Variants in SLC24A3 observed in about 807,000 individuals in gnomAD.
The protein encoded by SLC24A3 is solute carrier family 24 member 3, also known as sodium/potassium/calcium exchanger 3.
SLC24A3 carries 28 observed loss-of-function variants against 75.8 expected under a neutral mutation model. That is an observed-to-expected ratio of 0.37 (90% CI 0.27 to 0.51). The LOEUF (loss-of-function observed/expected upper bound fraction) is 0.51. Among genes scored for constraint, SLC24A3 ranks in the 20% least tolerant of loss-of-function variants. The pLI, the probability that SLC24A3 is intolerant of heterozygous loss-of-function variation, is 0.94. For missense variants in SLC24A3, 663 were observed against 847.8 expected (o/e 0.78, Z 2.71); for synonymous variants, 372 against 334.1 (o/e 1.11, Z -1.24).
intron 3 of SLC24A3, among the ~76,000 whole-genome samples, chr20:19,517,856 G>T (rs1241928485): frequency 6.6e-6 from 1 of 152,232 alleles, no homozygotes; most frequent in Non-Finnish European, 1.5e-5. Flanking sequence ...CGTGAGGCCA[G>T]GTGGGCAGAG....
intron 2 of SLC24A3, among the ~76,000 whole-genome samples, chr20:19,320,634 G>A (rs986286860): frequency 1.3e-5 from 2 of 151,872 alleles, no homozygotes. Flanking sequence ...GTTGTCGCTC[G>A]GTATCTTCAG....
intron 3 of SLC24A3, among the ~76,000 whole-genome samples, chr20:19,565,256 T>G (rs2030936528): frequency 6.6e-6 from 1 of 152,242 alleles, no homozygotes; most frequent in African/African-American, 2.4e-5. Context: ...ATGAATTCTC[T>G]TTCCTTGTTT....
intron 2 of SLC24A3, among the ~76,000 whole-genome samples, chr20:19,397,933 G>A (rs1986485786): frequency 1.3e-5 from 2 of 152,020 alleles, no homozygotes; most frequent in South Asian, 4.1e-4. Context: ...ACTTGAGCAA[G>A]GAAGAGGCCC....
At chr20:19,429,213 C>G (rs1206089184) in intron 2 of SLC24A3, among the ~76,000 whole-genome samples, 1 of 152,248 alleles carries the variant, frequency 6.6e-6, no homozygotes, top group Admixed American at 6.5e-5. Flanking sequence ...CCATCCTCCA[C>G]TATTCTCACC....
chr20:19,528,812 G>A (rs2030243865), intron 3 of SLC24A3, among the ~76,000 whole-genome samples: 1 of 152,188 alleles, frequency 6.6e-6, no homozygotes, highest in Non-Finnish European at 1.5e-5. Flanking sequence ...ATTTTTGGCA[G>A]TTAGCTTAAT....
At chr20:19,465,803 G>T (rs970795274) in intron 2 of SLC24A3, among the ~76,000 whole-genome samples, 2 of 152,144 alleles carry the variant, frequency 1.3e-5, no homozygotes, top group Admixed American at 6.5e-5. Flanking sequence ...CTGGGCTTGT[G>T]CTTCTACCAC....
chr20:19,488,608 A>G (rs1401094429), intron 2 of SLC24A3, among the ~76,000 whole-genome samples: 1 of 152,194 alleles, frequency 6.6e-6, no homozygotes, highest in Non-Finnish European at 1.5e-5. Flanking sequence ...TGGCCAAACT[A>G]CATTTCAACC....
intron 6 of SLC24A3, among the ~76,000 whole-genome samples, chr20:19,592,376 C>G (rs978850349): frequency 7.9e-5 from 12 of 152,194 alleles, no homozygotes; most frequent in Non-Finnish European, 1.6e-4. Context: ...CTGAGTCCTT[C>G]TGTCCAATTT....
At chr20:19,321,071 A>G (rs914527359) in intron 2 of SLC24A3, among the ~76,000 whole-genome samples, 8 of 151,214 alleles carry the variant, frequency 5.3e-5, no homozygotes, top group Admixed American at 1.3e-4. Flanking sequence ...ACAGATATAG[A>G]GGGCTCACTG....
At chr20:19,525,247 G>A (rs2030177189) in intron 3 of SLC24A3, among the ~76,000 whole-genome samples, 1 of 152,186 alleles carries the variant, frequency 6.6e-6, no homozygotes, top group African/African-American at 2.4e-5. Context: ...AGAGTGTTCT[G>A]CAGCCAGTGT....
At chr20:19,288,916 T>C (rs1460945279) in intron 2 of SLC24A3, among the ~76,000 whole-genome samples, 2 of 152,220 alleles carry the variant, frequency 1.3e-5, no homozygotes, top group Admixed American at 6.5e-5. Context: ...GAAGGCTGAA[T>C]TGAGTAGTTG....
intron 2 of SLC24A3, among the ~76,000 whole-genome samples, chr20:19,356,633 T>C (rs1985688680): frequency 6.6e-6 from 1 of 152,226 alleles, no homozygotes; most frequent in African/African-American, 2.4e-5. Context: ...CACATGACAG[T>C]ACTCCACAGA....
rs761006484 is a variant in SLC24A3 at position 19,299,177 on chromosome 20, C to CGTGTGTGTGTGTGT, written c.271+18097_271+18110dup. 1.5e-3 allele frequency among the ~76,000 whole-genome samples: 196 copies of CGTGTGTGTGTGTGT among 130,424 alleles called. 1 individual carries two copies. Among genetic ancestry groups the CGTGTGTGTGTGTGT allele is most frequent in the African/African-American group, 5.6e-3 (178 of 31,756 alleles). The allele number at this position is 130,424 out of a possible 152,430, so 85.6% of individuals were successfully genotyped here. On this transcript the variant is annotated intron_variant, in intron 2 of 16. Coordinates refer to ENST00000328041, the MANE Select transcript of SLC24A3 (RefSeq NM_020689.4). ...AGACCACATAATAGTTCTTCCCCTT[C>CGTGTGTGTGTGTGT]GTGTGTGTGTGTGTGTGTGTATGTG...
At chr20:19,572,797 T>G (rs1042387640) in intron 3 of SLC24A3, among the ~76,000 whole-genome samples, 1 of 152,150 alleles carries the variant, frequency 6.6e-6, no homozygotes, top group Non-Finnish European at 1.5e-5. Context: ...ATATTCACAC[T>G]GGTAGCAGCA....
intron 2 of SLC24A3, among the ~76,000 whole-genome samples, chr20:19,303,265 GT>G (rs1358031242): frequency 6.6e-6 from 1 of 152,050 alleles, no homozygotes; most frequent in Non-Finnish European, 1.5e-5. Flanking sequence ...GCAGTATTTG[GT>G]TTTCTGTCCC....
intron 6 of SLC24A3, among the ~76,000 whole-genome samples, chr20:19,606,119 G>A (rs896312775): frequency 7.2e-5 from 11 of 152,208 alleles, no homozygotes; most frequent in African/African-American, 2.7e-4. Context: ...AGGGCCTGTG[G>A]CAGCACACCC....
intron 7 of SLC24A3, among the ~76,000 whole-genome samples, chr20:19,663,431 CTCCGCCTTCTCATCCTCCTCCACT>C (rs2032357173): frequency 1.0e-5 from 1 of 96,414 alleles, no homozygotes; most frequent in Non-Finnish European, 1.9e-5. Context: ...CCTCCTCCTC[CTCCGCCTTCTCATCCTCCTCCACT>C]TCCTCCTCCT....
intron 2 of SLC24A3, among the ~76,000 whole-genome samples, chr20:19,410,615 C>T (rs1433333747): frequency 6.6e-6 from 1 of 152,112 alleles, no homozygotes. Context: ...TCGGGGAGGT[C>T]TCTGGATTCC....
chr20:19,360,863 G>T (rs1292067529), intron 2 of SLC24A3, among the ~76,000 whole-genome samples: 1 of 149,456 alleles, frequency 6.7e-6, no homozygotes, highest in African/African-American at 2.5e-5. Flanking sequence ...GTCTCGCTCT[G>T]TCGGCCAGGC....
Sources: gnomAD v4.1 joint callset for allele counts (sites outside exome capture counted in the v4.1 genomes callset) on GRCh38, gnomAD v4.1.1 for gene constraint, MANE v1.5 for transcripts, NCBI Gene and HGNC (gene_info 2026-07-23, HGNC 2026-07-21) for gene names.